Variants in FAM120B observed in about 807,000 individuals in gnomAD.
FAM120B encodes the protein constitutive coactivator of peroxisome proliferator-activated receptor gamma.
In FAM120B, 83 loss-of-function variants were observed where a neutral mutation model predicts 96.3. The observed-to-expected ratio is 0.86, with a 90% CI of 0.72 to 1.03. The LOEUF is 1.03. Among genes scored for constraint, FAM120B ranks in the 50% least tolerant of loss-of-function variants. The pLI, the probability that FAM120B is intolerant of heterozygous loss-of-function variation, is 0.00. For missense variants in FAM120B, 1,027 were observed against 1,121.2 expected (o/e 0.92, Z 1.20); for synonymous variants, 407 against 402.7 (o/e 1.01, Z -0.13).
At chr6:170,356,672 A>G (rs1787974980) in intron 5 of FAM120B, among the ~76,000 whole-genome samples, 1 of 152,152 alleles carries the variant, frequency 6.6e-6, no homozygotes, top group South Asian at 2.1e-4. Context: ...TTTACATCCC[A>G]TGAACATTGT....
chr6:170,292,720 G>C (rs1416484800), upstream of FAM120B, among the ~76,000 whole-genome samples: 2 of 152,248 alleles, frequency 1.3e-5, no homozygotes, highest in Non-Finnish European at 2.9e-5. This position sits in a 1 kb window ranked among gnomAD's most constrained non-coding sequence, Gnocchi z 6.6. Flanking sequence ...CGGCTGCTAC[G>C]CAGCTGGAAT....
At chr6:170,349,720 C>G (rs973098022) in intron 5 of FAM120B, among the ~76,000 whole-genome samples, 2 of 152,050 alleles carry the variant, frequency 1.3e-5, no homozygotes, top group African/African-American at 4.8e-5. Context: ...GAGATGAATC[C>G]AAGAGGCTGA....
intron 4 of FAM120B, among the ~76,000 whole-genome samples, chr6:170,334,174 A>G (rs897247110): frequency 3.9e-5 from 6 of 152,108 alleles, no homozygotes; most frequent in African/African-American, 1.4e-4. Context: ...GCATATCCTT[A>G]TTTTAGAAAC....
intron 9 of FAM120B, among the ~76,000 whole-genome samples, chr6:170,397,765 C>G (rs1778258103): frequency 6.6e-6 from 1 of 152,194 alleles, no homozygotes; most frequent in African/African-American, 2.4e-5. Flanking sequence ...CGTGACCAGC[C>G]TGGCCGTAAA....
At chr6:170,301,952 T>C (rs910249497), upstream of FAM120B, among the ~76,000 whole-genome samples, 4 of 152,162 alleles carry the variant, frequency 2.6e-5, no homozygotes, top group African/African-American at 9.7e-5. Context: ...TTTCCTATCT[T>C]CTACTGAGCC....
At chr6:170,377,315 A>G (rs534435762) in intron 6 of FAM120B, among the ~76,000 whole-genome samples, 3 of 137,276 alleles carry the variant, frequency 2.2e-5, no homozygotes, top group Non-Finnish European at 1.5e-5. Context: ...GCCCGGGAGA[A>G]CACAGGCTCA....
Position 170,317,547 on chromosome 6 carries a change from T to C in FAM120B, c.157T>C (p.Tyr53His). 6.2e-7 allele frequency: 1 copy of C among 1,614,222 alleles called. No homozygotes were observed. The highest frequency in any genetic ancestry group is 1.1e-5 in the South Asian group (1 of 91,086). ...TGCCATGTGTTGTCTCAGATATTGG[T>C]ATACTCCAGAATCTTGGATCTGCGG... is the stretch of plus-strand genomic sequence containing the variant. ...VDAMCCLRYW[Y>H]TPESWICGGQ... The change falls in exon 2 of 11, where the codon TAT becomes CAT. Residue 53 changes from tyrosine (Y) to histidine (H), a missense_variant. Around this residue, in one of 3 missense-constraint regions of FAM120B, gnomAD observed 880 missense variants for 980.9 expected, o/e 0.90. Coordinates refer to ENST00000476287, the MANE Select transcript of FAM120B (RefSeq NM_032448.3).
At chr6:170,327,384 A>G (rs978155400) in intron 3 of FAM120B, among the ~76,000 whole-genome samples, 2 of 152,196 alleles carry the variant, frequency 1.3e-5, no homozygotes, top group African/African-American at 2.4e-5. Flanking sequence ...AGGAGTCACA[A>G]AATATTCTTA....
chr6:170,304,681 C>G (rs1355521650), upstream of FAM120B, among the ~76,000 whole-genome samples: 2 of 152,120 alleles, frequency 1.3e-5, no homozygotes. Flanking sequence ...CTTCCTGCTC[C>G]CCTCAGCATG....
chr6:170,298,322 A>AT (rs1167871290), intron 1 of FAM120B: 2 of 152,126 alleles, frequency 1.3e-5, no homozygotes, highest in Non-Finnish European at 2.9e-5. Context: ...TTAGGCAAGT[A>AT]TTTTCTCACT....
Position 170,318,965 on chromosome 6 carries a change from C to G in FAM120B, c.1575C>G (p.His525Gln), listed in dbSNP as rs375456997. ...AGCAAGAAGACTCCATGTGTACACA[C>G]GCTGAAATCAATCAAAAATTACCTG... ...ISKQEDSMCT[H>Q]AEINQKLPVA... Residue 525 changes from histidine to glutamine, a missense_variant, in exon 2 of 11, where the codon CAC (histidine) becomes CAG (glutamine). By Grantham distance (24) the His-to-Gln change is conservative. Transcript: ENST00000476287. The G allele has an allele frequency of 5.6e-6, 9 of 1,614,018 alleles. No individual in the cohort carries two copies. The Admixed American group carries it at 1.5e-4, about 27-fold the overall frequency.
chr6:170,389,101 A>C (rs1790348250), intron 7 of FAM120B, among the ~76,000 whole-genome samples: 1 of 152,172 alleles, frequency 6.6e-6, no homozygotes, highest in Non-Finnish European at 1.5e-5. Context: ...CAGGCGTGGC[A>C]GAGGCAGAAG....
chr6:170,297,303 C>CCG (rs1428191566), intron 1 of FAM120B, among the ~76,000 whole-genome samples: 1 of 152,242 alleles, frequency 6.6e-6, no homozygotes, highest in Admixed American at 6.5e-5. Context: ...TTCGAACGCG[C>CCG]CGTGCTTCCC....
At chr6:170,290,833 G>A (rs1214693937), upstream of FAM120B, 8 of 626,712 alleles carry the variant, frequency 1.3e-5, no homozygotes, top group Middle Eastern at 8.3e-4. The surrounding 1 kb of genome is among the most constrained non-coding windows in gnomAD (Gnocchi z 4.7). Context: ...CGGAGGGGCC[G>A]GGCCGTGGGA....
rs147246997 is a variant in FAM120B at position 170,353,270 on chromosome 6, C to CA, written c.2191-4947dup. On this transcript the variant is annotated intron_variant, in intron 5 of 10. Transcript: ENST00000476287. ...AATAATAAATAGCTTACCAAACAAA[C>CA]AAAAAAAAATCCAGAACCAGATGGA... 3.1e-3 allele frequency among the ~76,000 whole-genome samples: 467 copies of CA among 150,972 alleles called. 1 individual carries two copies. Among genetic ancestry groups the CA allele is most frequent in the African/African-American group, 9.7e-3 (401 of 41,238 alleles).
intron 9 of FAM120B, 86 bp downstream of exon 9, chr6:170,395,665 G>C (rs898012020): frequency 7.1e-5 from 65 of 910,888 alleles, no homozygotes; most frequent in Non-Finnish European, 1.1e-4. Context: ...GCCTTCCTCT[G>C]TTTCAGAAAG....
intron 4 of FAM120B, among the ~76,000 whole-genome samples, chr6:170,340,505 C>G (rs951338638): frequency 6.6e-6 from 1 of 152,216 alleles, no homozygotes; most frequent in Non-Finnish European, 1.5e-5. Flanking sequence ...GTTCATGAAA[C>G]TCATTCTCTC....
At chr6:170,320,588 A>G (rs759505587) in intron 2 of FAM120B, among the ~76,000 whole-genome samples, 1 of 152,198 alleles carries the variant, frequency 6.6e-6, no homozygotes, top group East Asian at 1.9e-4. Context: ...TCTAAAGAAG[A>G]AGGAGGAAAG....
At chr6:170,383,109 A>G (rs1370972705) in intron 6 of FAM120B, among the ~76,000 whole-genome samples, 2 of 151,912 alleles carry the variant, frequency 1.3e-5, no homozygotes, top group East Asian at 3.9e-4. Context: ...AAAGAAAAAA[A>G]AAAAAAAAGG....
Sources: gnomAD v4.1 joint callset for allele counts (sites outside exome capture counted in the v4.1 genomes callset) on GRCh38, gnomAD v4.1.1 for gene constraint, gnomAD v4.1.1 regional missense constraint, Gnocchi (gnomAD v3.1) non-coding constraint, MANE v1.5 for transcripts, NCBI Gene and HGNC (gene_info 2026-07-23, HGNC 2026-07-21) for gene names.